Variants in FHIP1A observed in about 807,000 individuals in gnomAD.
The protein encoded by FHIP1A is FHF complex subunit HOOK interacting protein 1A.
A neutral mutation model predicts 88.6 loss-of-function variants in FHIP1A; 61 were observed. That is an observed-to-expected ratio of 0.69 (90% CI 0.56 to 0.85). The LOEUF is 0.85. Ranked by LOEUF, FHIP1A falls within the 40% of genes least tolerant of loss-of-function variation. The pLI, the probability that FHIP1A is intolerant of heterozygous loss-of-function variation, is 0.00. For synonymous variants in FHIP1A, 478 were observed against 496.0 expected (o/e 0.96, Z 0.48); for missense variants, 1,154 against 1,273.5 (o/e 0.91, Z 1.43).
At chr4:151,496,706 C>T (rs1272602704) in intron 3 of FHIP1A, among the ~76,000 whole-genome samples, 1 of 120,076 alleles carries the variant, frequency 8.3e-6, no homozygotes, top group Non-Finnish European at 1.8e-5. Flanking sequence ...GAGCATACCA[C>T]CACGTCCAGC....
At chr4:151,488,302 AT>A (rs1730156608) in intron 3 of FHIP1A, among the ~76,000 whole-genome samples, 1 of 151,840 alleles carries the variant, frequency 6.6e-6, no homozygotes, top group South Asian at 2.1e-4. Flanking sequence ...CCAATAGGTA[AT>A]TTTTCAGCTC....
chr4:151,638,580 G>A, intron 8 of FHIP1A, 97 bp from the exon 9 acceptor site: 1 of 660,778 alleles, frequency 1.5e-6, no homozygotes, highest in Non-Finnish European at 2.5e-6. Flanking sequence ...AAAAAAAAAG[G>A]CCATTATATT....
At chr4:151,529,281 A>G (rs962966939) in intron 3 of FHIP1A, among the ~76,000 whole-genome samples, 43 of 152,276 alleles carry the variant, frequency 2.8e-4, no homozygotes, top group African/African-American at 9.4e-4. Context: ...CTAGTCACCT[A>G]AGAGGCTGGA....
chr4:151,505,319 T>C (rs929128068), intron 3 of FHIP1A, among the ~76,000 whole-genome samples: 3 of 152,198 alleles, frequency 2.0e-5, no homozygotes, highest in African/African-American at 7.2e-5. Flanking sequence ...GGGGAGGCTA[T>C]AGACAAACAT....
At chr4:151,526,933 G>A (rs1195023764) in intron 3 of FHIP1A, among the ~76,000 whole-genome samples, 12 of 151,562 alleles carry the variant, frequency 7.9e-5, no homozygotes, top group Admixed American at 2.0e-4. Context: ...ATGGGCGGCC[G>A]GGCAGAGACG....
intron 3 of FHIP1A, among the ~76,000 whole-genome samples, chr4:151,553,378 A>T (rs115136421): frequency 0.021 from 3,250 of 152,346 alleles, 46 homozygotes; most frequent in Non-Finnish European, 0.031. Context: ...AGTATCTGCC[A>T]TATGAAAGGG....
intron 11 of FHIP1A, among the ~76,000 whole-genome samples, chr4:151,651,891 A>G (rs1737043333): frequency 6.6e-6 from 1 of 152,246 alleles, no homozygotes; most frequent in Admixed American, 6.5e-5. Context: ...ATGAGTTTTA[A>G]TTAAAATTCA....
chr4:151,496,716 C>CTTTTTTTTCTTTTTTTTTTT (rs1730475957), intron 3 of FHIP1A, among the ~76,000 whole-genome samples: 1 of 102,472 alleles, frequency 9.8e-6, no homozygotes, highest in African/African-American at 4.0e-5. Flanking sequence ...CCACGTCCAG[C>CTTTTTTTTCTTTTTTTTTTT]TTTTTTTTTT....
chr4:151,431,133 C>T (rs1303844761), intron 1 of FHIP1A, among the ~76,000 whole-genome samples: 1 of 152,194 alleles, frequency 6.6e-6, no homozygotes, highest in Non-Finnish European at 1.5e-5. Context: ...TAGCAGGCCA[C>T]TGCTTTTTTG....
chr4:151,602,699 G>C (rs1030977002), intron 7 of FHIP1A, among the ~76,000 whole-genome samples: 2 of 152,194 alleles, frequency 1.3e-5, no homozygotes, highest in Non-Finnish European at 2.9e-5. Flanking sequence ...GATATCCATA[G>C]TAAGCAGTGC....
At chr4:151,475,112 A>G (rs1297908512) in intron 2 of FHIP1A, among the ~76,000 whole-genome samples, 1 of 152,168 alleles carries the variant, frequency 6.6e-6, no homozygotes, top group Non-Finnish European at 1.5e-5. Context: ...TAATTTCTAT[A>G]AGCTTCAGTT....
intron 7 of FHIP1A, among the ~76,000 whole-genome samples, chr4:151,597,800 C>T (rs759084287): frequency 6.6e-5 from 10 of 152,162 alleles, no homozygotes; most frequent in Non-Finnish European, 1.5e-4. Context: ...CTGTCCAGTT[C>T]GAACTTCCAG....
intron 2 of FHIP1A, among the ~76,000 whole-genome samples, chr4:151,460,399 C>A (rs1729107509): frequency 6.6e-6 from 1 of 152,160 alleles, no homozygotes; most frequent in Non-Finnish European, 1.5e-5. Flanking sequence ...AATAGCTACT[C>A]ACATCTAGTT....
chr4:151,537,742 A>G (rs1412194817), intron 3 of FHIP1A, among the ~76,000 whole-genome samples: 1 of 152,182 alleles, frequency 6.6e-6, no homozygotes, highest in Admixed American at 6.5e-5. Flanking sequence ...AGCTTGAGGT[A>G]ACTGTGTTAG....
At position 151,650,231 on chromosome 4, in the gene FHIP1A, C is replaced by A. The variant is rs1226175856; in HGVS notation, c.2190C>A (p.Ser730=). 34 of 1,551,602 alleles carry A rather than the reference C, an allele frequency of 2.2e-5. No individual in the cohort carries two copies. The highest frequency in any genetic ancestry group is 3.0e-5 in the Non-Finnish European group (34 of 1,147,016). Residue 730 remains serine (S), a synonymous_variant, in exon 11 of 14, where the codon TCC becomes TCA. Transcript: ENST00000435205. ...CAGAATCCAACTCAGAGTTAGCATC[C>A]CCTGCCCCTGAGGCAGAGCACAGCT... The part of the protein sequence containing the change: ...AAPESNSELA[S]PAPEAEHSSN...
At chr4:151,529,742 G>A (rs1731803654) in intron 3 of FHIP1A, among the ~76,000 whole-genome samples, 1 of 152,212 alleles carries the variant, frequency 6.6e-6, no homozygotes, top group African/African-American at 2.4e-5. Flanking sequence ...CTAGAAGGAT[G>A]GAGGTTATCC....
chr4:151,546,823 C>T (rs1176469946), intron 3 of FHIP1A, among the ~76,000 whole-genome samples: 1 of 152,122 alleles, frequency 6.6e-6, no homozygotes, highest in Non-Finnish European at 1.5e-5. Context: ...ATAACAGAGT[C>T]TTTATCTCAA....
chr4:151,583,831 C>A (rs1734111944), intron 5 of FHIP1A, among the ~76,000 whole-genome samples: 1 of 152,168 alleles, frequency 6.6e-6, no homozygotes. Context: ...AGAAGCAACT[C>A]ATTTGGGTCA....
At chr4:151,588,744 T>A in intron 6 of FHIP1A, 96 bp from the exon 7 acceptor site, 1 of 831,722 alleles carries the variant, frequency 1.2e-6, no homozygotes, top group Non-Finnish European at 2.0e-6. Context: ...AATGTGGATT[T>A]CCTTTTTGAG....
Sources: gnomAD v4.1 joint callset for allele counts (sites outside exome capture counted in the v4.1 genomes callset) on GRCh38, gnomAD v4.1.1 for gene constraint, MANE v1.5 for transcripts, NCBI Gene and HGNC (gene_info 2026-07-23, HGNC 2026-07-21) for gene names.